Variants in HS3ST3B1 observed in about 807,000 individuals in gnomAD.
HS3ST3B1 encodes heparan sulfate glucosamine 3-O-sulfotransferase 3B1.
Under a neutral mutation model 21.3 loss-of-function variants are expected in HS3ST3B1, and 13 were observed. The ratio of observed to expected loss-of-function variants is 0.61; its 90% CI spans 0.40 to 0.97. The LOEUF (loss-of-function observed/expected upper bound fraction) is 0.97. Among genes scored for constraint, HS3ST3B1 ranks in the 50% least tolerant of loss-of-function variants. The pLI is 0.00. For synonymous variants in HS3ST3B1, 234 were observed against 254.8 expected, an observed-to-expected ratio of 0.92 and a Z score of 0.78; for missense variants, 459 against 554.8, an observed-to-expected ratio of 0.83 and a Z score of 1.73.
intron 1 of HS3ST3B1, among the ~76,000 whole-genome samples, chr17:14,315,432 C>T (rs1055321260): frequency 6.6e-6 from 1 of 152,190 alleles, no homozygotes; most frequent in Non-Finnish European, 1.5e-5. Flanking sequence ...GTTTTAAGTG[C>T]TTCCTCTCAG....
chr17:14,309,514 C>T (rs1275299974), intron 1 of HS3ST3B1, among the ~76,000 whole-genome samples: 5 of 147,896 alleles, frequency 3.4e-5, no homozygotes, highest in South Asian at 2.3e-4. Flanking sequence ...TGGTGTTCCG[C>T]CTGAGAGGAG....
At chr17:14,314,892 G>T (rs1455572003) in intron 1 of HS3ST3B1, among the ~76,000 whole-genome samples, 1 of 152,164 alleles carries the variant, frequency 6.6e-6, no homozygotes, top group Non-Finnish European at 1.5e-5. Flanking sequence ...TTCATCACGG[G>T]CATTCTTGTT....
chr17:14,327,748 CATTT>C (rs1909861231), intron 1 of HS3ST3B1: 1 of 152,176 alleles, frequency 6.6e-6, no homozygotes, highest in Non-Finnish European at 1.5e-5. Flanking sequence ...TTCTTTCATT[CATTT>C]ATTTGTTCAT....
chr17:14,309,109 G>C (rs1199614703), intron 1 of HS3ST3B1, among the ~76,000 whole-genome samples: 1 of 152,218 alleles, frequency 6.6e-6, no homozygotes, highest in East Asian at 1.9e-4. Context: ...CGCTCCTTTC[G>C]GGAGCTAGGG....
Position 14,301,797 on chromosome 17 carries a change from G to C in HS3ST3B1, c.279G>C (p.Pro93=). The C allele has an allele frequency of 6.4e-7, 1 of 1,556,172 alleles. No homozygotes were observed. Residue 93 remains proline (P), a synonymous_variant, in exon 1 of 2, where the codon CCG becomes CCC. Coordinates refer to ENST00000360954, the MANE Select transcript of HS3ST3B1 (RefSeq NM_006041.3). ...CCCCCAGGCTGCCGTTCCGGGCGCC[G>C]CCAGCCACCCCACTGGCTTCAGGCA... ...GTPPRLPFRA[P]PATPLASGKE... is the part of the protein sequence containing the mutation.
intron 1 of HS3ST3B1, among the ~76,000 whole-genome samples, chr17:14,316,873 T>C (rs1187474107): frequency 6.6e-6 from 1 of 152,208 alleles, no homozygotes; most frequent in Middle Eastern, 3.2e-3. Flanking sequence ...TACCTGTTTG[T>C]ATAAAACTAA....
rs72820616 is a variant in HS3ST3B1 at position 14,346,825 on chromosome 17, C to G, written c.*1179C>G. On this transcript the variant is annotated 3_prime_UTR_variant, in exon 2 of 2. Coordinates refer to ENST00000360954, the MANE Select transcript of HS3ST3B1 (RefSeq NM_006041.3). ...TTGACACACCAAAGAATCCCGTAGG[C>G]TAGCAGAGCCACCAGCACAAACCAA... 269 of 152,350 alleles carry G rather than the reference C, an allele frequency of 1.8e-3. No homozygotes were observed. The highest frequency in any genetic ancestry group is 0.017 in the Middle Eastern group (5 of 294). The allele number at this position is 152,350 out of a possible 1,614,324, so 9.4% of individuals were successfully genotyped here.
At chr17:14,338,365 C>A (rs1255222332) in intron 1 of HS3ST3B1, among the ~76,000 whole-genome samples, 1 of 151,688 alleles carries the variant, frequency 6.6e-6, no homozygotes, top group Non-Finnish European at 1.5e-5. Flanking sequence ...ACCTTGTGAT[C>A]TGCCCACCTT....
chr17:14,305,224 T>C (rs1909093771), intron 1 of HS3ST3B1: 1 of 152,284 alleles, frequency 6.6e-6, no homozygotes, highest in Non-Finnish European at 1.5e-5. Context: ...ATGATGACTC[T>C]TCTGGGTTGA....
At chr17:14,334,788 C>G (rs1168713280) in intron 1 of HS3ST3B1, among the ~76,000 whole-genome samples, 1 of 152,132 alleles carries the variant, frequency 6.6e-6, no homozygotes, top group Non-Finnish European at 1.5e-5. Flanking sequence ...ATGCCCCTCA[C>G]CCAACCCCCA....
intron 1 of HS3ST3B1, among the ~76,000 whole-genome samples, chr17:14,318,682 C>A (rs1056497248): frequency 6.6e-6 from 1 of 152,182 alleles, no homozygotes; most frequent in Non-Finnish European, 1.5e-5. Flanking sequence ...AGCCAGGAGG[C>A]AGCTGGTTAG....
At chr17:14,335,789 G>C (rs1910169794) in intron 1 of HS3ST3B1, among the ~76,000 whole-genome samples, 1 of 152,108 alleles carries the variant, frequency 6.6e-6, no homozygotes, top group African/African-American at 2.4e-5. Flanking sequence ...ACAAGGATTT[G>C]GGCAACCTTT....
At chr17:14,323,199 C>T (rs1257497692) in intron 1 of HS3ST3B1, among the ~76,000 whole-genome samples, 1 of 152,098 alleles carries the variant, frequency 6.6e-6, no homozygotes, top group Non-Finnish European at 1.5e-5. Context: ...AGCCACCGCA[C>T]CTGGCCGTGT....
At chr17:14,340,102 C>G (rs1320335490) in intron 1 of HS3ST3B1, among the ~76,000 whole-genome samples, 1 of 152,162 alleles carries the variant, frequency 6.6e-6, no homozygotes, top group Non-Finnish European at 1.5e-5. Flanking sequence ...ACTTCTCAGG[C>G]CTGCCATGCT....
At chr17:14,340,669 G>A (rs180828265) in intron 1 of HS3ST3B1, among the ~76,000 whole-genome samples, 2 of 152,166 alleles carry the variant, frequency 1.3e-5, no homozygotes, top group East Asian at 1.9e-4. Context: ...TGCAACCTCC[G>A]CCTCCCAGGT....
In HS3ST3B1 at chr17:14,333,467, CA is replaced by C. The variant is rs951066194; in HGVS notation, c.555-11551del. 2.2e-4 allele frequency among the ~76,000 whole-genome samples: 28 copies of C among 128,976 alleles called. No homozygotes were observed. The East Asian group carries it at 2.7e-3, about 13-fold the overall frequency. 84.6% of individuals were successfully genotyped at this position (128,976 alleles called of 152,430 possible). On this transcript the variant is annotated intron_variant, in intron 1 of 1. Transcript: ENST00000360954. Reference sequence around the variant, plus strand: ...TGGGTGACCGAGTGAGACTCCGACTCAAAAAAAAAACAACAAAAAAAAACAG... The same window carrying C: ...TGGGTGACCGAGTGAGACTCCGACTCAAAAAAAAACAACAAAAAAAAACAG...
At chr17:14,321,250 T>C (rs527343097) in intron 1 of HS3ST3B1, among the ~76,000 whole-genome samples, 1 of 152,306 alleles carries the variant, frequency 6.6e-6, no homozygotes, top group East Asian at 1.9e-4. Context: ...CATATGATGG[T>C]AATCTCAAAT....
At chr17:14,323,684 G>A (rs1468020362) in intron 1 of HS3ST3B1, among the ~76,000 whole-genome samples, 1 of 152,096 alleles carries the variant, frequency 6.6e-6, no homozygotes, top group Non-Finnish European at 1.5e-5. Context: ...ATAGCTTTGT[G>A]GTCAGTTGAT....
chr17:14,302,110 A>G, intron 1 of HS3ST3B1, 38 bp downstream of exon 1: 1 of 1,555,824 alleles, frequency 6.4e-7, no homozygotes, highest in Non-Finnish European at 8.6e-7. Flanking sequence ...TCCATCGTCG[A>G]TTCAGACCCT....
Sources: allele counts gnomAD v4.1 joint callset (sites outside exome capture counted in the v4.1 genomes callset), GRCh38; gene constraint gnomAD v4.1.1; transcripts MANE v1.5; gene names NCBI Gene and HGNC (gene_info 2026-07-23, HGNC 2026-07-21).